The following DOCK1 variants were observed in gnomAD, a reference collection of about 807,000 sequenced individuals.
DOCK1 encodes the protein dedicator of cytokinesis protein 1.
A neutral mutation model predicts 262.7 loss-of-function variants in DOCK1; 138 were observed. That is an observed-to-expected ratio of 0.53 (90% CI 0.46 to 0.61). The LOEUF (loss-of-function observed/expected upper bound fraction) is 0.61, where lower values mean the gene tolerates loss of function less well. DOCK1 is among the 20% of genes least tolerant of loss of function. The probability of loss-of-function intolerance (pLI) is 0.00; values close to 1 mark genes in which losing one functional copy is unlikely to be tolerated. For synonymous variants in DOCK1, 866 were observed against 867.4 expected, an observed-to-expected ratio of 1.00 and a Z score of 0.03; for missense variants, 1,908 against 2,370.7, an observed-to-expected ratio of 0.80 and a Z score of 4.05.
intron 27 of DOCK1, among the ~76,000 whole-genome samples, chr10:127,208,894 A>G: frequency 6.6e-6 from 1 of 152,208 alleles, no homozygotes; most frequent in Admixed American, 6.5e-5. Flanking sequence ...GCCTGTCATT[A>G]AGACTGTGGA....
intron 33 of DOCK1, among the ~76,000 whole-genome samples, chr10:127,367,789 T>C (rs2065004333): frequency 6.6e-6 from 1 of 152,194 alleles, no homozygotes; most frequent in South Asian, 2.1e-4. Context: ...GCTCTTGCAA[T>C]CTCACACCTC....
intron 1 of DOCK1, among the ~76,000 whole-genome samples, chr10:126,963,585 C>CTTCCCTTCCT: frequency 2.9e-5 from 1 of 33,942 alleles, no homozygotes; most frequent in Non-Finnish European, 6.1e-5. Flanking sequence ...CCTTCCCTCC[C>CTTCCCTTCCT]TTCCCTTCCC....
At chr10:127,018,329 G>A (rs1354832291) in intron 12 of DOCK1, among the ~76,000 whole-genome samples, 1 of 152,212 alleles carries the variant, frequency 6.6e-6, no homozygotes, top group Non-Finnish European at 1.5e-5. Context: ...TCTTTCCTGG[G>A]AGACTAGAAA....
intron 14 of DOCK1, among the ~76,000 whole-genome samples, chr10:127,023,634 A>G (rs536457036): frequency 4.2e-4 from 57 of 136,194 alleles, no homozygotes; most frequent in African/African-American, 1.3e-3. Flanking sequence ...TAATTTTTAT[A>G]TTTTTTAGTA....
intron 1 of DOCK1, among the ~76,000 whole-genome samples, chr10:126,964,109 C>CAATA (rs1319068097): frequency 1.3e-5 from 2 of 152,204 alleles, no homozygotes; most frequent in Non-Finnish European, 2.9e-5. Flanking sequence ...CCGTTTGCAA[C>CAATA]AATACAGTTG....
At chr10:127,296,761 C>T (rs1237418205) in intron 29 of DOCK1, among the ~76,000 whole-genome samples, 1 of 152,098 alleles carries the variant, frequency 6.6e-6, no homozygotes, top group Non-Finnish European at 1.5e-5. Context: ...CTTTTTGTGG[C>T]ATGCATGGGA....
intron 32 of DOCK1, among the ~76,000 whole-genome samples, chr10:127,358,868 T>C (rs985209721): frequency 1.3e-5 from 2 of 152,152 alleles, no homozygotes; most frequent in African/African-American, 4.8e-5. Context: ...GGCTTCTGAC[T>C]AGGGAGGCCT....
At chr10:127,030,084 C>T (rs2043134051) in intron 16 of DOCK1, among the ~76,000 whole-genome samples, 1 of 152,110 alleles carries the variant, frequency 6.6e-6, no homozygotes, top group Admixed American at 6.6e-5. Context: ...TTGAGCACAA[C>T]CAGGAAGGCA....
At chr10:126,922,264 G>C (rs867186237) in intron 1 of DOCK1, among the ~76,000 whole-genome samples, 11 of 145,982 alleles carry the variant, frequency 7.5e-5, no homozygotes, top group Admixed American at 3.5e-4. Context: ...TCATGTTTCT[G>C]TAAGCTGTAC....
intron 4 of DOCK1, among the ~76,000 whole-genome samples, chr10:126,984,851 C>T (rs1176919389): frequency 6.6e-6 from 1 of 151,886 alleles, no homozygotes; most frequent in African/African-American, 2.4e-5. Flanking sequence ...TTCGAGTATA[C>T]AATACATAGC....
intron 43 of DOCK1, among the ~76,000 whole-genome samples, chr10:127,414,924 GGCTAGGGGA>G (rs1443338360): frequency 6.6e-6 from 1 of 152,164 alleles, no homozygotes; most frequent in Non-Finnish European, 1.5e-5. Flanking sequence ...GGGCAATGTT[GGCTAGGGGA>G]CAGGGGATAC....
intron 27 of DOCK1, among the ~76,000 whole-genome samples, chr10:127,227,135 C>G (rs906496627): frequency 6.6e-6 from 1 of 152,200 alleles, no homozygotes; most frequent in African/African-American, 2.4e-5. Context: ...ACCCTTGACT[C>G]CCACAGCTGA....
intron 23 of DOCK1, among the ~76,000 whole-genome samples, chr10:127,086,101 C>T (rs1452081108): frequency 1.3e-5 from 2 of 152,118 alleles, no homozygotes; most frequent in African/African-American, 4.8e-5. Context: ...GTTCGTGACT[C>T]GGTGCGGGGA....
intron 27 of DOCK1, among the ~76,000 whole-genome samples, chr10:127,218,237 A>G (rs963898223): frequency 6.6e-6 from 1 of 152,260 alleles, no homozygotes; most frequent in Non-Finnish European, 1.5e-5. Flanking sequence ...AGACTTAACA[A>G]TTGAAATTGT....
At chr10:126,972,604 C>T (rs9794806) in intron 2 of DOCK1, among the ~76,000 whole-genome samples, 9,143 of 152,064 alleles carry the variant, frequency 0.06, 280 homozygotes, top group Middle Eastern at 0.11. Flanking sequence ...GAAGACATCC[C>T]GTAGTAATCA....
chr10:127,014,675 T>C (rs1369740691), intron 12 of DOCK1, among the ~76,000 whole-genome samples: 1 of 152,198 alleles, frequency 6.6e-6, no homozygotes, highest in Admixed American at 6.5e-5. Flanking sequence ...CTCAAACTCC[T>C]GAGATTTGAG....
At chr10:127,276,845 C>CCTTCCTA (rs1345637280) in intron 29 of DOCK1, among the ~76,000 whole-genome samples, 2 of 135,466 alleles carry the variant, frequency 1.5e-5, no homozygotes, top group East Asian at 3.9e-4. Flanking sequence ...ACATGGTAAA[C>CCTTCCTA]GTTATGGGCC....
At chr10:127,008,705 C>G in intron 10 of DOCK1, 27 bp from the exon 11 acceptor site, 1 of 1,558,196 alleles carries the variant, frequency 6.4e-7, no homozygotes, top group Admixed American at 1.9e-5. Context: ...TAAGCCAAAA[C>G]AATCTCTGTT....
chr10:126,963,885 C>T (rs1180542131), intron 1 of DOCK1, among the ~76,000 whole-genome samples: 2 of 152,076 alleles, frequency 1.3e-5, no homozygotes, highest in African/African-American at 4.8e-5. Flanking sequence ...GGCATTTGCC[C>T]CCAGACAAAA....
Sources: gnomAD v4.1 joint callset for allele counts (sites outside exome capture counted in the v4.1 genomes callset) on GRCh38, gnomAD v4.1.1 for gene constraint, MANE v1.5 for transcripts, NCBI Gene and HGNC (gene_info 2026-07-23, HGNC 2026-07-21) for gene names.